FRMPD4: variants seen among roughly 807,000 people sequenced by gnomAD.
The protein encoded by FRMPD4 is FERM and PDZ domain containing 4, also known as FERM and PDZ domain-containing protein 4.
Under a neutral mutation model 94.1 loss-of-function variants are expected in FRMPD4, and 22 were observed. The ratio of observed to expected loss-of-function variants is 0.23; its 90% CI spans 0.17 to 0.33. The LOEUF is 0.33. FRMPD4 is among the 10% of genes least tolerant of loss of function. FRMPD4 has a pLI of 1.00. For synonymous variants in FRMPD4, 631 were observed against 548.6 expected (o/e 1.15, Z -2.10); for missense variants, 1,111 against 1,339.9 (o/e 0.83, Z 2.67).
At chrX:12,152,880 A>C (rs1337945630) in intron 1 of FRMPD4, among the ~76,000 whole-genome samples, 3 of 110,388 alleles carry the variant, frequency 2.7e-5, no homozygotes, top group Non-Finnish European at 3.8e-5. Context: ...TAAACAGAAA[A>C]ATATTTTTAT....
At chrX:12,632,515 G>T (rs1203259774) in intron 4 of FRMPD4, among the ~76,000 whole-genome samples, 1 of 112,302 alleles carries the variant, frequency 8.9e-6, no homozygotes, top group Non-Finnish European at 1.9e-5. Context: ...AGTAGAAGAT[G>T]CACCTCACTG....
At chrX:12,506,607 T>C (rs994420139) in intron 2 of FRMPD4, among the ~76,000 whole-genome samples, 1 of 112,805 alleles carries the variant, frequency 8.9e-6, no homozygotes, top group African/African-American at 3.2e-5. Context: ...CATTTCATAA[T>C]AAGACACATG....
chrX:12,157,691 GT>G (rs2055956805), intron 1 of FRMPD4, among the ~76,000 whole-genome samples: 1 of 112,022 alleles, frequency 8.9e-6, no homozygotes, highest in Admixed American at 9.5e-5. Flanking sequence ...TGTACATGCT[GT>G]TTTATTTTTT....
chrX:12,360,340 C>T (rs1263693116), intron 1 of FRMPD4, among the ~76,000 whole-genome samples: 1 of 111,620 alleles, frequency 9.0e-6, no homozygotes, highest in Admixed American at 9.5e-5. Flanking sequence ...AAGATTGGCC[C>T]ACTTAGTGAG....
chrX:11,963,971 G>C (rs1333557851), intron 3 of FRMPD4, among the ~76,000 whole-genome samples: 4 of 111,355 alleles, frequency 3.6e-5, no homozygotes, highest in Non-Finnish European at 5.7e-5. Context: ...TCATTGATTT[G>C]CTCCTGAGTT....
At chrX:12,636,471 G>C (rs1479051970) in intron 4 of FRMPD4, among the ~76,000 whole-genome samples, 1 of 107,354 alleles carries the variant, frequency 9.3e-6, no homozygotes, top group Non-Finnish European at 1.9e-5. Flanking sequence ...TACGGTATCT[G>C]GTTGTTTCTC....
At chrX:12,292,552 A>G (rs2054706359) in intron 1 of FRMPD4, among the ~76,000 whole-genome samples, 1 of 110,818 alleles carries the variant, frequency 9.0e-6, no homozygotes, top group African/African-American at 3.3e-5. Context: ...TTTAACTTAG[A>G]TTTAGGACAA....
intron 1 of FRMPD4, among the ~76,000 whole-genome samples, chrX:12,202,427 C>T (rs1003402130): frequency 8.9e-6 from 1 of 111,899 alleles, no homozygotes; most frequent in Non-Finnish European, 1.9e-5. Context: ...CTCGGAATAA[C>T]ATCACCTATA....
intron 2 of FRMPD4, among the ~76,000 whole-genome samples, chrX:12,520,489 G>A (rs1420681549): frequency 9.0e-6 from 1 of 111,079 alleles, no homozygotes; most frequent in Non-Finnish European, 1.9e-5. Context: ...CTTTAAAATG[G>A]CTAAAATTAC....
chrX:12,318,097 C>T (rs1160548839), intron 1 of FRMPD4, among the ~76,000 whole-genome samples: 3 of 112,667 alleles, frequency 2.7e-5, no homozygotes, highest in Non-Finnish European at 5.6e-5. Context: ...AGTATATATA[C>T]TCAATGGAGT....
intron 5 of FRMPD4, among the ~76,000 whole-genome samples, chrX:12,677,477 T>TA (rs35199206): frequency 1.5e-3 from 145 of 98,806 alleles, no homozygotes; most frequent in East Asian, 1.9e-3. Flanking sequence ...TTGCTTTTTG[T>TA]AAAAAAAAAA....
At chrX:12,673,058 C>G (rs1035341158) in intron 4 of FRMPD4, among the ~76,000 whole-genome samples, 1 of 111,330 alleles carries the variant, frequency 9.0e-6, no homozygotes, top group Non-Finnish European at 1.9e-5. Context: ...CTCTGTGTCT[C>G]TAAGTTCTGA....
At chrX:12,132,219 T>G (rs1194811109) in intron 3 of FRMPD4, among the ~76,000 whole-genome samples, 2 of 102,826 alleles carry the variant, frequency 1.9e-5, no homozygotes, top group Non-Finnish European at 3.9e-5. Flanking sequence ...GATGATCGGT[T>G]TCAGGTGAGG....
rs1429199877 is a variant in FRMPD4 at position 12,123,774 on chromosome X, G to A, written c.95+245756G>A. On this transcript the variant is annotated intron_variant, in intron 3 of 18. Coordinates refer to the FRMPD4 transcript ENST00000640291. Reference sequence around the variant, plus strand: ...AAACTTCTTGGGTAAAAGTTTAGATGGGGTGTTGTGCCTGTGCTACTTGGG... The same window carrying A: ...AAACTTCTTGGGTAAAAGTTTAGATAGGGTGTTGTGCCTGTGCTACTTGGG... 5.4e-5 allele frequency among the ~76,000 whole-genome samples: 6 copies of A among 111,233 alleles called. No homozygotes were observed. In the East Asian group the frequency reaches 1.4e-3, roughly 26 times the overall value.
At chrX:11,930,407 A>G (rs1337042496) in intron 3 of FRMPD4, among the ~76,000 whole-genome samples, 3 of 111,092 alleles carry the variant, frequency 2.7e-5, no homozygotes, top group Non-Finnish European at 5.7e-5. Flanking sequence ...TGGGCTCTAA[A>G]TCCAGTGACA....
chrX:12,199,152 G>T (rs1335047613), intron 1 of FRMPD4, among the ~76,000 whole-genome samples: 1 of 110,411 alleles, frequency 9.1e-6, no homozygotes, highest in African/African-American at 3.3e-5. Flanking sequence ...GTGCCTTTTG[G>T]TTGAACTAGC....
chrX:12,669,896 T>C (rs1304967706), intron 4 of FRMPD4, among the ~76,000 whole-genome samples: 1 of 112,012 alleles, frequency 8.9e-6, no homozygotes, highest in African/African-American at 3.2e-5. Context: ...AAATATAAGA[T>C]AGTACATTTG....
chrX:12,712,263 T>G (rs1003319116), intron 14 of FRMPD4, among the ~76,000 whole-genome samples: 3 of 108,622 alleles, frequency 2.8e-5, no homozygotes, highest in African/African-American at 1.0e-4. Flanking sequence ...ATGAAAGAGA[T>G]AGAAGCCAGA....
At chrX:12,635,190 G>A (rs759151895) in intron 4 of FRMPD4, among the ~76,000 whole-genome samples, 4 of 111,683 alleles carry the variant, frequency 3.6e-5, no homozygotes, top group Non-Finnish European at 7.5e-5. Context: ...TAGCATAGCC[G>A]TAACTAGTAA....
Sources: gnomAD v4.1 joint callset for allele counts (sites outside exome capture counted in the v4.1 genomes callset) on GRCh38, gnomAD v4.1.1 for gene constraint, MANE v1.5 for transcripts, NCBI Gene and HGNC (gene_info 2026-07-23, HGNC 2026-07-21) for gene names.